ASTN2: variants seen among roughly 807,000 people sequenced by gnomAD.
ASTN2 encodes astrotactin 2, also known as astrotactin-2.
ASTN2 carries 54 observed loss-of-function variants against 139.8 expected under a neutral mutation model. The ratio of observed to expected loss-of-function variants is 0.39; its 90% CI spans 0.31 to 0.48. The LOEUF (loss-of-function observed/expected upper bound fraction) is 0.48, where lower values mean the gene tolerates loss of function less well. ASTN2 is among the 20% of genes least tolerant of loss of function. The pLI, the probability that ASTN2 is intolerant of heterozygous loss-of-function variation, is 0.95. For synonymous variants in ASTN2, 756 were observed against 719.5 expected, an observed-to-expected ratio of 1.05 and a Z score of -0.81; for missense variants, 1,565 against 1,725.1, an observed-to-expected ratio of 0.91 and a Z score of 1.64.
intron 10 of ASTN2, among the ~76,000 whole-genome samples, chr9:116,871,498 C>A (rs1833166093): frequency 6.6e-6 from 1 of 152,146 alleles, no homozygotes; most frequent in Non-Finnish European, 1.5e-5. Flanking sequence ...TGTTGGGAAA[C>A]CACTAATCTT....
At chr9:116,903,454 C>A (rs1306230280) in intron 10 of ASTN2, among the ~76,000 whole-genome samples, 1 of 152,184 alleles carries the variant, frequency 6.6e-6, no homozygotes, top group East Asian at 1.9e-4. Flanking sequence ...TCACACGTAC[C>A]TCTTGCAATG....
At chr9:117,051,871 G>A (rs28411229) in intron 5 of ASTN2, among the ~76,000 whole-genome samples, 3,076 of 152,226 alleles carry the variant, frequency 0.02, 94 homozygotes, top group African/African-American at 0.07. Context: ...ACCATTTGGG[G>A]TAGTTGTTGC....
At chr9:116,529,177 A>G (rs1851218276) in intron 19 of ASTN2, among the ~76,000 whole-genome samples, 1 of 152,172 alleles carries the variant, frequency 6.6e-6, no homozygotes, top group Non-Finnish European at 1.5e-5. Context: ...CTGTGAAAGT[A>G]GCCATGGGGG....
intron 3 of ASTN2, among the ~76,000 whole-genome samples, chr9:117,209,139 GA>G (rs1330935012): frequency 2.0e-5 from 3 of 151,996 alleles, no homozygotes; most frequent in African/African-American, 7.2e-5. Flanking sequence ...GAGAAAGTAA[GA>G]AACAAAGAAT....
chr9:117,224,443 A>G (rs1832635072), intron 2 of ASTN2, among the ~76,000 whole-genome samples: 1 of 152,014 alleles, frequency 6.6e-6, no homozygotes, highest in Non-Finnish European at 1.5e-5. Context: ...CTTCCCCTCC[A>G]CTATACAATC....
intron 3 of ASTN2, among the ~76,000 whole-genome samples, chr9:117,197,596 C>T (rs1831548835): frequency 6.6e-6 from 1 of 152,036 alleles, no homozygotes; most frequent in Non-Finnish European, 1.5e-5. Flanking sequence ...TGTGTATACA[C>T]AATTATATAC....
intron 7 of ASTN2, among the ~76,000 whole-genome samples, chr9:116,988,781 G>A (rs1836756041): frequency 6.6e-6 from 1 of 152,070 alleles, no homozygotes; most frequent in African/African-American, 2.4e-5. Context: ...ACTTCTATAG[G>A]AGCTTAAAGG....
At position 117,283,913 on chromosome 9, in the gene ASTN2, C is replaced by A. The variant is rs1396317673; in HGVS notation, c.630+7413G>T. Among the ~76,000 whole-genome samples the A allele has an allele frequency of 2.0e-5, 3 of 151,850 alleles. No individual in the cohort carries two copies. The East Asian group carries it at 5.9e-4, about 30-fold the overall frequency. ...AGTAATGGTATTTCTCAAAGTTTCA[C>A]CATTAATTTTAGTATACATTGGTGG... On this transcript the variant is annotated intron_variant, in intron 2 of 22. Transcript: ENST00000313400.
chr9:116,699,616 C>T lies in ASTN2; in HGVS notation c.2806+26155G>A, dbSNP rs1861074314. The T allele has an allele frequency of 1.2e-6, 2 of 1,614,180 alleles. No homozygotes were observed. Among genetic ancestry groups the T allele is most frequent in the Non-Finnish European group, 1.7e-6 (2 of 1,180,028 alleles). On this transcript the variant is annotated intron_variant, in intron 16 of 22. Coordinates refer to ENST00000313400, the MANE Select transcript of ASTN2 (RefSeq NM_001365068.1). The surrounding 1 kb of genome is among the most constrained non-coding windows in gnomAD (Gnocchi z 4.2). ...ACCTGTCCGGTGGGCATAGCCCTAA[C>T]TCCTAAGGGGCAGCTGCTGGTCTTG...
At chr9:117,063,280 T>C (rs541221212) in intron 5 of ASTN2, among the ~76,000 whole-genome samples, 1 of 152,326 alleles carries the variant, frequency 6.6e-6, no homozygotes, top group South Asian at 2.1e-4. Context: ...CCTGGTGATA[T>C]GGTTTGACTC....
chr9:116,823,733 G>A (rs564204599), intron 11 of ASTN2, among the ~76,000 whole-genome samples: 6 of 152,164 alleles, frequency 3.9e-5, no homozygotes, highest in Non-Finnish European at 7.3e-5. Context: ...AAAGGTGAGG[G>A]TACTTGACCA....
chr9:116,801,585 C>CAAAAAAAAAAAAA (rs397893932), intron 13 of ASTN2, among the ~76,000 whole-genome samples: 60 of 60,362 alleles, frequency 9.9e-4, no homozygotes, highest in Non-Finnish European at 1.4e-3. Flanking sequence ...GGCTCTGTCT[C>CAAAAAAAAAAAAA]AAAAAAAAAA....
chr9:117,296,644 G>C (rs1176945442), intron 1 of ASTN2, among the ~76,000 whole-genome samples: 1 of 152,210 alleles, frequency 6.6e-6, no homozygotes, highest in African/African-American at 2.4e-5. Flanking sequence ...TTCCCATAAA[G>C]GCAGATTATG....
At chr9:116,796,953 T>A (rs896377925) in intron 13 of ASTN2, among the ~76,000 whole-genome samples, 1 of 151,928 alleles carries the variant, frequency 6.6e-6, no homozygotes, top group Non-Finnish European at 1.5e-5. Context: ...CTGTGACTAC[T>A]GCTGCACAAC....
At chr9:117,253,216 C>T (rs924258166) in intron 2 of ASTN2, among the ~76,000 whole-genome samples, 2 of 152,178 alleles carry the variant, frequency 1.3e-5, no homozygotes, top group Non-Finnish European at 2.9e-5. Flanking sequence ...TCTTCCTCTC[C>T]ACACCTGGGT....
At chr9:116,445,274 A>C (rs1179601034) in intron 20 of ASTN2, among the ~76,000 whole-genome samples, 1 of 152,206 alleles carries the variant, frequency 6.6e-6, no homozygotes, top group Non-Finnish European at 1.5e-5. Context: ...CAAGGATTAC[A>C]TGGAGTGATG....
intron 1 of ASTN2, among the ~76,000 whole-genome samples, chr9:117,351,784 A>G (rs1390917541): frequency 1.3e-5 from 2 of 152,186 alleles, no homozygotes; most frequent in East Asian, 1.9e-4. Context: ...TTTAGATGCT[A>G]TATTAGTTCA....
At chr9:116,969,981 G>A (rs541414171) in intron 10 of ASTN2, among the ~76,000 whole-genome samples, 2 of 152,270 alleles carry the variant, frequency 1.3e-5, no homozygotes, top group Admixed American at 1.3e-4. Flanking sequence ...TGGAGCCTCT[G>A]GGGAACAATC....
intron 2 of ASTN2, among the ~76,000 whole-genome samples, chr9:117,226,976 G>A (rs1197941352): frequency 1.3e-5 from 2 of 152,170 alleles, no homozygotes; most frequent in East Asian, 3.9e-4. Context: ...GAAAAGAGAG[G>A]AAGGTGGAGG....
Sources: allele counts gnomAD v4.1 joint callset (sites outside exome capture counted in the v4.1 genomes callset), GRCh38; gene constraint gnomAD v4.1.1; non-coding constraint Gnocchi (gnomAD v3.1); transcripts MANE v1.5; gene names NCBI Gene and HGNC (gene_info 2026-07-23, HGNC 2026-07-21).